The following RNF38 variants were observed in gnomAD, a reference collection of about 807,000 sequenced individuals.
RNF38 encodes the protein E3 ubiquitin-protein ligase RNF38.
A neutral mutation model predicts 67.2 loss-of-function variants in RNF38; 15 were observed. That is an observed-to-expected ratio of 0.22 (90% CI 0.15 to 0.34). The LOEUF is 0.34. RNF38 is among the 10% of genes least tolerant of loss of function. The pLI is 1.00. For synonymous variants in RNF38, 220 were observed against 218.8 expected (o/e 1.01, Z -0.05); for missense variants, 524 against 639.9 (o/e 0.82, Z 1.95).
intron 9 of RNF38, among the ~76,000 whole-genome samples, chr9:36,350,197 G>A (rs533951764): frequency 1.3e-5 from 2 of 152,174 alleles, no homozygotes; most frequent in Non-Finnish European, 2.9e-5. Flanking sequence ...GTTGACTGTT[G>A]TGTTCCTTTC....
intron 4 of RNF38, among the ~76,000 whole-genome samples, chr9:36,368,184 TTTG>T (rs1249201201): frequency 1.3e-5 from 2 of 152,086 alleles, no homozygotes; most frequent in African/African-American, 4.8e-5. Context: ...AAAGACGGAT[TTTG>T]TTATGCTTTT....
chr9:36,400,926 C>G (rs1837984467), upstream of RNF38: 6 of 984,998 alleles, frequency 6.1e-6, no homozygotes, highest in Non-Finnish European at 3.6e-6. Context: ...CCCGCCGCAC[C>G]CCGCCTCACC....
intron 2 of RNF38, among the ~76,000 whole-genome samples, chr9:36,384,463 G>A (rs907911786): frequency 2.6e-5 from 4 of 152,072 alleles, no homozygotes; most frequent in East Asian, 1.9e-4. Flanking sequence ...GGCCCAATAC[G>A]GAAACCTAAG....
At chr9:36,454,953 T>G (rs1839551720) in intron 1 of RNF38, among the ~76,000 whole-genome samples, 1 of 152,208 alleles carries the variant, frequency 6.6e-6, no homozygotes, top group Non-Finnish European at 1.5e-5. Flanking sequence ...CTGTGTTGTA[T>G]CCAACTAAAC....
intron 2 of RNF38, among the ~76,000 whole-genome samples, chr9:36,417,215 G>A (rs1838498619): frequency 6.6e-6 from 1 of 152,168 alleles, no homozygotes. Context: ...GGCACTCACA[G>A]CTTTTGGCTG....
chr9:36,463,268 T>C (rs1031260104), intron 1 of RNF38, among the ~76,000 whole-genome samples: 5 of 152,184 alleles, frequency 3.3e-5, no homozygotes, highest in African/African-American at 9.7e-5. Context: ...TGGTACACAG[T>C]AGACACTCAT....
At chr9:36,404,265 G>A (rs2134174808), upstream of RNF38, among the ~76,000 whole-genome samples, 1 of 152,210 alleles carries the variant, frequency 6.6e-6, no homozygotes, top group South Asian at 2.1e-4. Flanking sequence ...TTTGTTTCTG[G>A]GTTCAGTAGT....
rs868715581 is a variant in RNF38 at position 36,479,197 on chromosome 9, G to A, written n.241+8111C>T. 6.6e-5 allele frequency among the ~76,000 whole-genome samples: 10 copies of A among 152,116 alleles called. No individual in the cohort carries two copies. The Middle Eastern group carries it at 0.01, about 155-fold the overall frequency. ...AGTACTTGGATACCATCTTTACCCC[G>A]CCTGCCCCCACTACTTGGTTGTGCC... On this transcript the variant is annotated intron_variant and non_coding_transcript_variant, in intron 1 of 3. Transcript: ENST00000488058.
intron 2 of RNF38, among the ~76,000 whole-genome samples, chr9:36,408,929 G>A (rs1231256679): frequency 6.6e-6 from 1 of 152,200 alleles, no homozygotes; most frequent in Non-Finnish European, 1.5e-5. Flanking sequence ...GTTCACCTCT[G>A]TAATACCAGC....
chr9:36,410,041 A>G lies in RNF38; in HGVS notation n.312+14572T>C, dbSNP rs1341649081. 2.0e-5 allele frequency among the ~76,000 whole-genome samples: 3 copies of G among 152,192 alleles called. No homozygotes were observed. In the East Asian group the frequency reaches 5.8e-4, roughly 29 times the overall value. ...CTTAGGAGATAATGACATTTTAAAG[A>G]CCAACAAAATAATCTCCAATAACAA... is the stretch of plus-strand genomic sequence containing the variant. On this transcript the variant is annotated intron_variant and non_coding_transcript_variant, in intron 2 of 3. Transcript: ENST00000488058.
chr9:36,400,922 G>GCACCCCGCCTCACCCCGCCT, upstream of RNF38: 1 of 879,246 alleles, frequency 1.1e-6, no homozygotes, highest in Non-Finnish European at 1.3e-6. Flanking sequence ...GCGCCCCGCC[G>GCACCCCGCCTCACCCCGCCT]CACCCCGCCT....
intron 2 of RNF38, among the ~76,000 whole-genome samples, chr9:36,381,034 T>C (rs7030510): frequency 0.053 from 8,064 of 152,158 alleles, 333 homozygotes; most frequent in East Asian, 0.14. Context: ...GAAACGTCAA[T>C]AAGGAAATGT....
intron 1 of RNF38, among the ~76,000 whole-genome samples, chr9:36,466,252 G>C (rs10972920): frequency 0.34 from 51,052 of 151,986 alleles, 8,815 homozygotes; most frequent in Non-Finnish European, 0.39. Flanking sequence ...ACTGAGATGG[G>C]AGGAAATGGA....
In RNF38 at chr9:36,360,189, AATTT is replaced by A. The variant is rs1316125864; in HGVS notation, c.571-2251_571-2248del. ...TTAGTTTTCTTCAAAAAGATTATTA[AATTT>A]ATTTCTCAAAGTTTATTATTAAATT... On this transcript the variant is annotated intron_variant, in intron 4 of 11. Transcript: ENST00000259605. Among the ~76,000 whole-genome samples the A allele has an allele frequency of 2.6e-5, 4 of 152,286 alleles. 1 individual carries two copies. Among genetic ancestry groups the A allele is most frequent in the African/African-American group, 9.6e-5 (4 of 41,566 alleles).
intron 9 of RNF38, among the ~76,000 whole-genome samples, chr9:36,347,585 C>T (rs574310014): frequency 6.6e-5 from 10 of 152,258 alleles, no homozygotes; most frequent in African/African-American, 2.4e-4. Flanking sequence ...TTGTATAAGA[C>T]AGAAAACTTA....
intron 2 of RNF38, among the ~76,000 whole-genome samples, chr9:36,385,580 T>C (rs915841122): frequency 6.6e-6 from 1 of 152,138 alleles, no homozygotes; most frequent in South Asian, 2.1e-4. Context: ...GGTTTCACCA[T>C]GTTGGCCAGG....
intron 1 of RNF38, among the ~76,000 whole-genome samples, chr9:36,442,426 G>T (rs1018973021): frequency 2.6e-5 from 4 of 152,118 alleles, no homozygotes; most frequent in Non-Finnish European, 4.4e-5. Context: ...GACCAAAAAA[G>T]TCAGATAGTG....
intron 1 of RNF38, among the ~76,000 whole-genome samples, chr9:36,484,166 C>G (rs1840343978): frequency 6.6e-6 from 1 of 152,198 alleles, no homozygotes; most frequent in Non-Finnish European, 1.5e-5. Flanking sequence ...GGGTCCCTCC[C>G]TACACCTGAT....
intron 2 of RNF38, among the ~76,000 whole-genome samples, chr9:36,408,266 ATTTTTT>A (rs35564069): frequency 2.2e-5 from 3 of 134,718 alleles, no homozygotes; most frequent in Non-Finnish European, 3.2e-5. Flanking sequence ...AACAGACTTA[ATTTTTT>A]TTTTTTTTTT....
Sources: gnomAD v4.1 joint callset for allele counts (sites outside exome capture counted in the v4.1 genomes callset) on GRCh38, gnomAD v4.1.1 for gene constraint, MANE v1.5 for transcripts, NCBI Gene and HGNC (gene_info 2026-07-23, HGNC 2026-07-21) for gene names.